DOP1B: variants seen among roughly 807,000 people sequenced by gnomAD.
The protein encoded by DOP1B is protein DOP1B.
A neutral mutation model predicts 233.5 loss-of-function variants in DOP1B; 174 were observed. The observed-to-expected ratio is 0.75, with a 90% CI of 0.66 to 0.85. The LOEUF (loss-of-function observed/expected upper bound fraction) is 0.85, where lower values mean the gene tolerates loss of function less well. Ranked by LOEUF, DOP1B falls within the 40% of genes least tolerant of loss-of-function variation. The probability of loss-of-function intolerance (pLI) is 0.00; values close to 1 mark genes in which losing one functional copy is unlikely to be tolerated. For synonymous variants in DOP1B, 1,190 were observed against 1,185.6 expected (o/e 1.00, Z -0.08); for missense variants, 2,652 against 2,846.6 (o/e 0.93, Z 1.56).
At position 36,288,746 on chromosome 21, in the gene DOP1B, T is replaced by A. The variant is rs1403380158; in HGVS notation, c.6298-10T>A. ...TCTCAGATAGTAACTTGAATGCATT[T>A]TTTTTTCAGATTCAGACATTCACAC... On this transcript the variant is annotated splice_polypyrimidine_tract_variant and intron_variant, in intron 33 of 36. Transcript: ENST00000691173. 16 of 1,607,696 alleles carry A rather than the reference T, an allele frequency of 1.0e-5. No homozygotes were observed. The highest frequency in any genetic ancestry group is 1.3e-5 in the Non-Finnish European group (15 of 1,176,644).
chr21:36,213,395 C>A (rs1485233520), intron 7 of DOP1B, among the ~76,000 whole-genome samples: 2 of 152,052 alleles, frequency 1.3e-5, no homozygotes, highest in Admixed American at 1.3e-4. Context: ...CTTTCTTGCC[C>A]TGAGAACCTT....
Position 36,270,030 on chromosome 21 carries a change from C to T in DOP1B, c.5505C>T (p.Ile1835=), listed in dbSNP as rs755492491. 3.7e-6 allele frequency: 6 copies of T among 1,613,882 alleles called. No homozygotes were observed. The African/African-American group carries it at 6.7e-5, about 18-fold the overall frequency. Reference sequence around the variant, plus strand: ...ATTCTCAGGAAATCACTCAGAAAATCCTAGAAGCTGTGGGGAACATTGCCG... The same window carrying T: ...ATTCTCAGGAAATCACTCAGAAAATTCTAGAAGCTGTGGGGAACATTGCCG... ...QKDLQEITQK[I]LEAVGNIAGS... The change falls in exon 27 of 37, where the codon ATC becomes ATT. Residue 1835 remains isoleucine, a synonymous_variant. Transcript: ENST00000691173.
intron 24 of DOP1B, 122 bp from the exon 25 acceptor site, chr21:36,263,423 AG>A: frequency 1.3e-6 from 1 of 747,502 alleles, no homozygotes; most frequent in Non-Finnish European, 2.2e-6. Flanking sequence ...AAAAAGAAAA[AG>A]GTCAGTGAGG....
Position 36,293,484 on chromosome 21 carries a change from G to A in DOP1B, c.6810G>A (p.Leu2270=), listed in dbSNP as rs139219621. 6.0e-4 allele frequency: 975 copies of A among 1,613,958 alleles called. 3 individuals are homozygous for A. Among genetic ancestry groups the A allele is most frequent in the Middle Eastern group, 1.2e-3 (7 of 6,084 alleles). ...CTGATAGCCCAGGAACTCCATTCTT[G>A]GACTTTCCTGTCACAGATAGCCCAA... is the stretch of plus-strand genomic sequence containing the variant. ...LPADSPGTPF[L]DFPVTDSPRI... Residue 2270 remains leucine (L), a synonymous_variant, in exon 37 of 37, where the codon TTG becomes TTA. Coordinates refer to ENST00000691173, the MANE Select transcript of DOP1B (RefSeq NM_001320714.2).
intron 6 of DOP1B, 142 bp downstream of exon 6, chr21:36,211,793 T>C (rs2066501262): frequency 7.6e-7 from 1 of 1,308,054 alleles, no homozygotes; most frequent in Non-Finnish European, 1.1e-6. Context: ...TCCTTGTTCA[T>C]TTTTGCAAGG....
At chr21:36,280,436 C>T (rs1327927299) in intron 31 of DOP1B, 90 bp downstream of exon 31, 1 of 908,904 alleles carries the variant, frequency 1.1e-6, no homozygotes, top group South Asian at 1.5e-5. Flanking sequence ...GAACCCTACT[C>T]ACACTTTCAT....
At chr21:36,212,712 G>A (rs1463281012) in intron 7 of DOP1B, among the ~76,000 whole-genome samples, 1 of 152,140 alleles carries the variant, frequency 6.6e-6, no homozygotes, top group Non-Finnish European at 1.5e-5. Flanking sequence ...CCATATTCAC[G>A]TACCTAAGAA....
At chr21:36,237,552 G>A (rs2066842579) in intron 16 of DOP1B, 138 bp downstream of exon 16, 2 of 1,162,434 alleles carry the variant, frequency 1.7e-6, no homozygotes, top group Non-Finnish European at 2.4e-6. Flanking sequence ...AAGCAGAGGT[G>A]TTCTAGGATT....
chr21:36,277,957 A>G lies in DOP1B; in HGVS notation c.5713-18A>G, dbSNP rs765757761. The G allele has an allele frequency of 8.7e-6, 14 of 1,606,498 alleles. No homozygotes were observed. In the Admixed American group the frequency reaches 2.3e-4, roughly 27 times the overall value. ...GCACCTGGCCAGTTTCTGTTTTCTT[A>G]GGGCCTTGTTCTTTTAGGTACTGGC... On this transcript the variant is annotated intron_variant, in intron 28 of 36. Coordinates refer to ENST00000691173, the MANE Select transcript of DOP1B (RefSeq NM_001320714.2).
intron 2 of DOP1B, among the ~76,000 whole-genome samples, chr21:36,190,760 A>G (rs2066224513): frequency 1.3e-5 from 2 of 152,228 alleles, no homozygotes; most frequent in South Asian, 4.1e-4. Context: ...CTCATATGAT[A>G]CGTATATTAA....
intron 2 of DOP1B, among the ~76,000 whole-genome samples, chr21:36,183,592 G>A (rs923193125): frequency 7.9e-5 from 12 of 152,226 alleles, no homozygotes; most frequent in Admixed American, 7.2e-4. Flanking sequence ...GCTGGGAGCA[G>A]GACGCCTACA....
intron 23 of DOP1B, among the ~76,000 whole-genome samples, chr21:36,258,573 T>G (rs1194511002): frequency 6.6e-6 from 1 of 152,174 alleles, no homozygotes. Context: ...GCCTCACATA[T>G]GACACGGGGC....
rs559776134 is a variant in DOP1B at position 36,267,673 on chromosome 21, A to G, written c.5488-2340A>G. On this transcript the variant is annotated intron_variant, in intron 26 of 36. Transcript: ENST00000691173. ...TGGAGTCTTGCTCTGTTATTGGGGG[A>G]ACTCACCCCCAGTATTTCAATGTAG... 3.3e-3 allele frequency among the ~76,000 whole-genome samples: 357 copies of G among 107,802 alleles called. 1 individual carries two copies. The highest frequency in any genetic ancestry group is 0.015 in the Middle Eastern group (2 of 136). The allele number at this position is 107,802 out of a possible 152,430, so 70.7% of individuals were successfully genotyped here. A position where few individuals can be genotyped will look rare whatever the true frequency, so the allele number is the denominator to read the frequency against.
intron 2 of DOP1B, among the ~76,000 whole-genome samples, chr21:36,184,277 G>C (rs1434696679): frequency 6.6e-6 from 1 of 151,996 alleles, no homozygotes; most frequent in Non-Finnish European, 1.5e-5. Flanking sequence ...TCAAACTCCC[G>C]ACCTCAGGTG....
At chr21:36,205,605 C>G (rs563907602) in intron 4 of DOP1B, among the ~76,000 whole-genome samples, 2 of 151,944 alleles carry the variant, frequency 1.3e-5, no homozygotes, top group Non-Finnish European at 2.9e-5. Context: ...CCAGGCTGAT[C>G]TTGAACTCCT....
At chr21:36,230,115 C>T (rs1442275845) in intron 13 of DOP1B, among the ~76,000 whole-genome samples, 1 of 152,164 alleles carries the variant, frequency 6.6e-6, no homozygotes, top group Non-Finnish European at 1.5e-5. Flanking sequence ...GGATTACAGG[C>T]TTGAGCCACC....
In DOP1B at chr21:36,277,073, C is replaced by A. The variant is rs141524099; in HGVS notation, c.5685C>A (p.Ser1895Arg). The A allele has an allele frequency of 2.5e-6, 4 of 1,614,126 alleles. No individual in the cohort carries two copies. The highest frequency in any genetic ancestry group is 3.4e-6 in the Non-Finnish European group (4 of 1,180,004). The change falls in exon 28 of 37, where the codon AGC (serine) becomes AGA (arginine). Residue 1895 changes from serine (S) to arginine (R), a missense_variant. Transcript: ENST00000691173. Reference protein sequence around the residue: ...MVSSSAPSVYSVQALSLLAEV... With the variant: ...MVSSSAPSVYRVQALSLLAEV... ...CTTCATCCGCCCCGTCGGTGTACAG[C>A]GTGCAAGCCCTCTCTCTCCTGGCAG...
chr21:36,181,304 T>C lies in DOP1B; in HGVS notation c.138+16433T>C, dbSNP rs796189688. Among the ~76,000 whole-genome samples, 57 of 151,580 alleles carry C rather than the reference T, an allele frequency of 3.8e-4. 1 individual carries two copies. Among genetic ancestry groups the C allele is most frequent in the African/African-American group, 1.3e-3 (55 of 41,336 alleles). On this transcript the variant is annotated intron_variant, in intron 2 of 36. Coordinates refer to ENST00000691173, the MANE Select transcript of DOP1B (RefSeq NM_001320714.2). ...CTTCTTTTTTTTTTTTTTGAGACAG[T>C]GTCTTGCTCTGTCAGTCAGGCTAGA...
Position 36,259,966 on chromosome 21 carries a change from TG to T in DOP1B, c.5260-707del, listed in dbSNP as rs148094667. On this transcript the variant is annotated intron_variant, in intron 23 of 36. Coordinates refer to ENST00000691173, the MANE Select transcript of DOP1B (RefSeq NM_001320714.2). The stretch of plus-strand genomic sequence containing the variant: ...CAAGTAGTTCCAGCCACAGGGTTTT[TG>T]GGGAAGCTGTCTGAGCTGGGCTTGG... Among the ~76,000 whole-genome samples the T allele has an allele frequency of 3.3e-5, 5 of 152,094 alleles. No homozygotes were observed. The East Asian group carries it at 9.6e-4, about 29-fold the overall frequency.
Sources: allele counts gnomAD v4.1 joint callset (sites outside exome capture counted in the v4.1 genomes callset), GRCh38; gene constraint gnomAD v4.1.1; transcripts MANE v1.5; gene names NCBI Gene and HGNC (gene_info 2026-07-23, HGNC 2026-07-21).